The following ST13 variants were observed in gnomAD, a reference collection of about 807,000 sequenced individuals.
ST13 encodes hsc70-interacting protein.
ST13 carries 23 observed loss-of-function variants against 56.7 expected under a neutral mutation model. That is an observed-to-expected ratio of 0.41 (90% CI 0.29 to 0.57). The LOEUF (loss-of-function observed/expected upper bound fraction) is 0.57. Ranked by LOEUF, ST13 falls within the 20% of genes least tolerant of loss-of-function variation. ST13 has a pLI of 0.36. For synonymous variants in ST13, 132 were observed against 142.4 expected (o/e 0.93, Z 0.52); for missense variants, 369 against 459.9 (o/e 0.80, Z 1.81).
At chr22:40,835,359 ACTT>A (rs1403574686) in intron 7 of ST13, 198 bp downstream of exon 7, 43 of 447,814 alleles carry the variant, frequency 9.6e-5, no homozygotes, top group African/African-American at 2.8e-4. Flanking sequence ...CTATATTCTC[ACTT>A]CTTCTTTTAA....
chr22:40,855,089 T>C (rs914145676), intron 1 of ST13, among the ~76,000 whole-genome samples: 8 of 152,174 alleles, frequency 5.3e-5, no homozygotes, highest in African/African-American at 1.9e-4. Flanking sequence ...GTAACGAGTT[T>C]TTTCCTTAGA....
chr22:40,847,369 CTG>C (rs2057837339), intron 3 of ST13, among the ~76,000 whole-genome samples: 1 of 148,724 alleles, frequency 6.7e-6, no homozygotes, highest in South Asian at 2.1e-4. Flanking sequence ...TGGCAAAACC[CTG>C]TCTCTACAAA....
intron 1 of ST13, among the ~76,000 whole-genome samples, chr22:40,851,235 A>G (rs2057859747): frequency 6.6e-6 from 1 of 152,254 alleles, no homozygotes; most frequent in African/African-American, 2.4e-5. Flanking sequence ...CTCAGTAGGT[A>G]TATCTGAATC....
chr22:40,840,326 C>G (rs186110386), intron 5 of ST13, among the ~76,000 whole-genome samples: 2 of 150,444 alleles, frequency 1.3e-5, no homozygotes, highest in African/African-American at 4.9e-5. Flanking sequence ...GGTCACTGTT[C>G]TACTACTACT....
In ST13 at chr22:40,856,598, C is replaced by T. The variant is rs531561344; in HGVS notation, c.-58G>A. 8 of 1,473,972 alleles carry T rather than the reference C, an allele frequency of 5.4e-6. No individual in the cohort carries two copies. The African/African-American group carries it at 5.5e-5, about 10-fold the overall frequency. 91.3% of individuals were successfully genotyped at this position (1,473,972 alleles called of 1,614,324 possible). On this transcript the variant is annotated 5_prime_UTR_variant, in exon 1 of 12. Coordinates refer to ENST00000216218, the MANE Select transcript of ST13 (RefSeq NM_003932.5). ...TACGGCCCGGTTCCAGGCCCAGGCG[C>T]TGGCTCGGCGTGACCGCGCAGAAGG...
intron 1 of ST13, among the ~76,000 whole-genome samples, chr22:40,852,505 C>T (rs1601475613): frequency 6.6e-6 from 1 of 151,984 alleles, no homozygotes; most frequent in Non-Finnish European, 1.5e-5. Flanking sequence ...TCTGAGAATC[C>T]CAATATGAAG....
At chr22:40,828,621 A>T (rs1054075040) in intron 10 of ST13, among the ~76,000 whole-genome samples, 64 of 152,044 alleles carry the variant, frequency 4.2e-4, no homozygotes, top group African/African-American at 1.4e-3. Flanking sequence ...TCAATAATAA[A>T]AAAAAAAATA....
chr22:40,833,860 C>T (rs2057765340), intron 7 of ST13, among the ~76,000 whole-genome samples: 1 of 150,932 alleles, frequency 6.6e-6, no homozygotes, highest in African/African-American at 2.4e-5. Flanking sequence ...AGCAAAATGC[C>T]TCAAAACAAA....
rs1353578319 is a variant in ST13, at chr22:40,830,943, G to C, written c.695C>G (p.Ala232Gly). The C allele has an allele frequency of 6.3e-7, 1 of 1,598,884 alleles. No homozygotes were observed. Among genetic ancestry groups the C allele is most frequent in the Admixed American group, 1.7e-5 (1 of 59,698 alleles). ...TCGCTCATACTTTCTCCGATGTTCT[G>C]CAATTTTCTGTGCCTAGAAAAAAGA... ...KEVQPRAQKI[A>G]EHRRKYERKR... Residue 232 changes from alanine to glycine, a missense_variant, in exon 9 of 12, where the codon GCA (alanine) becomes GGA (glycine). Coordinates refer to ENST00000216218, the MANE Select transcript of ST13 (RefSeq NM_003932.5).
chr22:40,826,839 T>C (rs1309724560), intron 11 of ST13, among the ~76,000 whole-genome samples, 173 bp from the exon 12 acceptor site: 1 of 152,228 alleles, frequency 6.6e-6, no homozygotes, highest in Non-Finnish European at 1.5e-5. Flanking sequence ...ATTTGAACTG[T>C]ATGATGAAAA....
intron 3 of ST13, among the ~76,000 whole-genome samples, chr22:40,846,681 C>T (rs1451281811): frequency 6.6e-6 from 1 of 152,126 alleles, no homozygotes; most frequent in Non-Finnish European, 1.5e-5. Context: ...AATGTAAGAC[C>T]TCTAATGATA....
chr22:40,847,089 T>C (rs756635430), intron 3 of ST13, among the ~76,000 whole-genome samples: 1 of 152,162 alleles, frequency 6.6e-6, no homozygotes, highest in Admixed American at 6.5e-5. Context: ...ATAAGAGACT[T>C]CCAAATTCAT....
intron 4 of ST13, among the ~76,000 whole-genome samples, chr22:40,843,921 C>T (rs948201555): frequency 2.0e-5 from 3 of 149,496 alleles, no homozygotes; most frequent in Admixed American, 6.7e-5. Flanking sequence ...TTTGCTCTGT[C>T]GCTCAGGCTG....
intron 1 of ST13, among the ~76,000 whole-genome samples, chr22:40,852,904 G>T (rs998786926): frequency 5.9e-5 from 9 of 152,120 alleles, no homozygotes; most frequent in African/African-American, 1.9e-4. Context: ...GCAGCGTCAG[G>T]AATGTATTTA....
At chr22:40,855,770 A>G (rs976590413) in intron 1 of ST13, among the ~76,000 whole-genome samples, 2 of 152,074 alleles carry the variant, frequency 1.3e-5, no homozygotes, top group Non-Finnish European at 2.9e-5. Flanking sequence ...CCTTGCACGT[A>G]GCGAAGTACT....
At chr22:40,831,641 ACT>A (rs2057754496) in intron 8 of ST13, among the ~76,000 whole-genome samples, 1 of 152,064 alleles carries the variant, frequency 6.6e-6, no homozygotes, top group African/African-American at 2.4e-5. Context: ...AACCAAATGA[ACT>A]CTCTGGCAGT....
intron 1 of ST13, among the ~76,000 whole-genome samples, chr22:40,855,765 C>G (rs1199702497): frequency 2.0e-5 from 3 of 152,164 alleles, no homozygotes; most frequent in Admixed American, 6.5e-5. Context: ...TAACTCCTTG[C>G]ACGTAGCGAA....
At chr22:40,851,394 C>T (rs1448323477) in intron 1 of ST13, among the ~76,000 whole-genome samples, 1 of 152,216 alleles carries the variant, frequency 6.6e-6, no homozygotes, top group East Asian at 1.9e-4. Flanking sequence ...ATGCCCATCA[C>T]ATTATAGATT....
chr22:40,845,634 AAAGCAG>A (rs2057827000), intron 3 of ST13, among the ~76,000 whole-genome samples: 1 of 152,168 alleles, frequency 6.6e-6, no homozygotes, highest in Non-Finnish European at 1.5e-5. Flanking sequence ...TAAAGAATGA[AAAGCAG>A]TATCTTGCTT....
Sources: allele counts gnomAD v4.1 joint callset (sites outside exome capture counted in the v4.1 genomes callset), GRCh38; gene constraint gnomAD v4.1.1; transcripts MANE v1.5; gene names NCBI Gene and HGNC (gene_info 2026-07-23, HGNC 2026-07-21).